The following WLS variants were observed in gnomAD, a reference collection of about 807,000 sequenced individuals.
The protein encoded by WLS is protein wntless homolog.
A neutral mutation model predicts 62.8 loss-of-function variants in WLS; 23 were observed. That is an observed-to-expected ratio of 0.37 (90% confidence interval 0.26 to 0.52). WLS has a LOEUF of 0.52. Among genes scored for constraint, WLS ranks in the 20% least tolerant of loss-of-function variants. The probability of loss-of-function intolerance (pLI) is 0.92; values close to 1 mark genes in which losing one functional copy is unlikely to be tolerated. For synonymous variants in WLS, 246 were observed against 244.1 expected (o/e 1.01, Z -0.07); for missense variants, 615 against 697.3 (o/e 0.88, Z 1.33).
intron 11 of WLS, among the ~76,000 whole-genome samples, chr1:68,109,871 CA>C (rs1354403651): frequency 6.6e-6 from 1 of 151,620 alleles, no homozygotes; most frequent in African/African-American, 2.4e-5. Context: ...GAGATACCAG[CA>C]ACAAACTTCT....
chr1:68,101,445 A>AG (rs1401754867), intron 11 of WLS, among the ~76,000 whole-genome samples: 1 of 152,110 alleles, frequency 6.6e-6, no homozygotes. Context: ...TACCTTGTAG[A>AG]GGGGAACGGG....
intron 1 of WLS, among the ~76,000 whole-genome samples, chr1:68,225,643 T>C (rs1650111654): frequency 1.3e-5 from 2 of 152,202 alleles, no homozygotes; most frequent in South Asian, 4.1e-4. Context: ...TAGGAGTCTC[T>C]GGTTTAAAAG....
At position 68,223,388 on chromosome 1, in the gene WLS, A is replaced by G. The variant is rs150754252; in HGVS notation, c.106+8806T>C. ...TCCTTAAACTTTCAAACCCAAACCA[A>G]GTAAGGTTTTGGGTCATTCCCATTC... On this transcript the variant is annotated intron_variant, in intron 1 of 11. Transcript: ENST00000262348. 2.8e-4 allele frequency among the ~76,000 whole-genome samples: 42 copies of G among 152,352 alleles called. No individual in the cohort carries two copies. The East Asian group carries it at 6.6e-3, about 24-fold the overall frequency.
At chr1:68,227,825 A>G (rs1464991137) in intron 1 of WLS, among the ~76,000 whole-genome samples, 1 of 152,236 alleles carries the variant, frequency 6.6e-6, no homozygotes, top group East Asian at 1.9e-4. Context: ...TCATTAAGAT[A>G]TATTAAAAGA....
intron 1 of WLS, among the ~76,000 whole-genome samples, chr1:68,226,958 C>T (rs559441304): frequency 6.6e-6 from 1 of 152,156 alleles, no homozygotes; most frequent in Non-Finnish European, 1.5e-5. Context: ...CCTGAAGTCT[C>T]AATCTGGGTT....
rs534819776 is a variant in WLS at position 68,219,397 on chromosome 1, A to G, written c.106+12797T>C. Among the ~76,000 whole-genome samples, 11 of 152,362 alleles carry G rather than the reference A, an allele frequency of 7.2e-5. No individual in the cohort carries two copies. The East Asian group carries it at 2.1e-3, about 29-fold the overall frequency. ...ATATAATGGAAAAACGTCCCTTTCC[A>G]ACTCCAAAATTGTACCATTTTAGAA... is the stretch of plus-strand genomic sequence containing the variant. On this transcript the variant is annotated intron_variant, in intron 1 of 11. Coordinates refer to ENST00000262348, the MANE Select transcript of WLS (RefSeq NM_024911.7).
Position 68,125,604 on chromosome 1 carries a change from C to A in WLS, c.*622G>T. The A allele has an allele frequency of 1.0e-6, 1 of 985,484 alleles. No individual in the cohort carries two copies. The highest frequency in any genetic ancestry group is 1.2e-6 in the Non-Finnish European group (1 of 829,974). The allele number at this position is 985,484 out of a possible 1,614,324, so 61.0% of individuals were successfully genotyped here. A position where few individuals can be genotyped will look rare whatever the true frequency, so the allele number is the denominator to read the frequency against. On this transcript the variant is annotated 3_prime_UTR_variant, in exon 12 of 12. Coordinates refer to ENST00000262348, the MANE Select transcript of WLS (RefSeq NM_024911.7). ...AACAGATTGGTTAGTATTAGATACA[C>A]AGATTTGGTTTCAAAGCTGAAATAC...
chr1:68,189,094 C>A (rs1648138560), intron 2 of WLS, among the ~76,000 whole-genome samples: 1 of 152,116 alleles, frequency 6.6e-6, no homozygotes, highest in Non-Finnish European at 1.5e-5. Flanking sequence ...CTTGTGCTGT[C>A]CCCTGATAAG....
At chr1:68,127,839 G>T (rs1240861711) in intron 11 of WLS, among the ~76,000 whole-genome samples, 1 of 152,194 alleles carries the variant, frequency 6.6e-6, no homozygotes, top group Admixed American at 6.5e-5. Flanking sequence ...AGGCATCAAT[G>T]AATCTGGTGG....
At chr1:68,133,044 GGCAGCA>G (rs1553126297) in intron 11 of WLS, among the ~76,000 whole-genome samples, 2 of 18,186 alleles carry the variant, frequency 1.1e-4, no homozygotes, top group African/African-American at 1.3e-4. Context: ...GTCATGAAAA[GGCAGCA>G]GCAGCAACAG....
At chr1:68,208,557 A>G (rs115313051) in intron 1 of WLS, among the ~76,000 whole-genome samples, 1,847 of 152,324 alleles carry the variant, frequency 0.012, 32 homozygotes, top group African/African-American at 0.042. Flanking sequence ...GGATTGCTAG[A>G]AGTACTGCTA....
rs1646420486 is a variant in WLS, at chr1:68,125,751, A to T, written c.*475T>A. The T allele has an allele frequency of 3.0e-6, 3 of 985,872 alleles. No individual in the cohort carries two copies. Among genetic ancestry groups the T allele is most frequent in the Non-Finnish European group, 3.6e-6 (3 of 830,366 alleles). The allele number at this position is 985,872 out of a possible 1,614,324, so 61.1% of individuals were successfully genotyped here. ...TACCTGGTGATATAAATAGGAAAAA[A>T]ACAGTGGTCATGGATTAGGAGTGAG... On this transcript the variant is annotated 3_prime_UTR_variant, in exon 12 of 12. Coordinates refer to ENST00000262348, the MANE Select transcript of WLS (RefSeq NM_024911.7).
At chr1:68,191,316 TC>T (rs1648290227) in intron 2 of WLS, among the ~76,000 whole-genome samples, 1 of 152,084 alleles carries the variant, frequency 6.6e-6, no homozygotes, top group African/African-American at 2.4e-5. Context: ...AATCTACCTA[TC>T]TCATCCTCCC....
chr1:68,154,028 T>C (rs1374208617), intron 4 of WLS, among the ~76,000 whole-genome samples: 1 of 152,062 alleles, frequency 6.6e-6, no homozygotes, highest in East Asian at 1.9e-4. Context: ...AAAATGCTAA[T>C]ACCTAAAGAT....
downstream of WLS, among the ~76,000 whole-genome samples, chr1:68,120,477 A>C (rs894977837): frequency 6.6e-6 from 1 of 152,178 alleles, no homozygotes; most frequent in Non-Finnish European, 1.5e-5. Flanking sequence ...TTCTGCTGCA[A>C]ATATGCTACT....
intron 11 of WLS, among the ~76,000 whole-genome samples, chr1:68,114,646 A>C (rs1210466466): frequency 6.6e-6 from 1 of 152,156 alleles, no homozygotes. Context: ...ACTGGTGCAG[A>C]CTAAACTGGC....
chr1:68,165,463 A>G (rs1027110362), intron 2 of WLS, among the ~76,000 whole-genome samples: 1 of 152,116 alleles, frequency 6.6e-6, no homozygotes, highest in Non-Finnish European at 1.5e-5. Flanking sequence ...GACAGCTCTG[A>G]ACTCTTATCT....
At chr1:68,222,291 G>T (rs1364604768) in intron 1 of WLS, among the ~76,000 whole-genome samples, 1 of 152,132 alleles carries the variant, frequency 6.6e-6, no homozygotes, top group Non-Finnish European at 1.5e-5. Flanking sequence ...CCCTCAGCAA[G>T]CAAGGAAGGA....
At chr1:68,165,397 A>AC (rs1331723130) in intron 2 of WLS, among the ~76,000 whole-genome samples, 2 of 151,676 alleles carry the variant, frequency 1.3e-5, no homozygotes, top group Non-Finnish European at 2.9e-5. Flanking sequence ...GAGCCTACAG[A>AC]CCCCCTCACT....
Sources: gnomAD v4.1 joint callset for allele counts (sites outside exome capture counted in the v4.1 genomes callset) on GRCh38, gnomAD v4.1.1 for gene constraint, MANE v1.5 for transcripts, NCBI Gene and HGNC (gene_info 2026-07-23, HGNC 2026-07-21) for gene names.